ARVCF: variants seen among roughly 807,000 people sequenced by gnomAD.
The protein encoded by ARVCF is ARVCF delta catenin family member, also known as splicing regulator ARVCF.
A neutral mutation model predicts 90.9 loss-of-function variants in ARVCF; 66 were observed. That is an observed-to-expected ratio of 0.73 (90% CI 0.60 to 0.89). The LOEUF is 0.89. ARVCF is among the 40% of genes least tolerant of loss of function. The pLI, the probability that ARVCF is intolerant of heterozygous loss-of-function variation, is 0.00. For missense variants in ARVCF, 1,469 were observed against 1,382.3 expected, an observed-to-expected ratio of 1.06 and a Z score of -1.00; for synonymous variants, 653 against 603.4, an observed-to-expected ratio of 1.08 and a Z score of -1.21.
At chr22:19,980,720 G>C (rs1005820710) in intron 5 of ARVCF, 3 of 183,662 alleles carry the variant, frequency 1.6e-5, no homozygotes, top group African/African-American at 7.0e-5. Flanking sequence ...CAGGCCACCA[G>C]CCCCTTGGGG....
downstream of ARVCF, chr22:19,967,243 C>G (rs770389839): frequency 2.3e-6 from 3 of 1,299,042 alleles, no homozygotes; most frequent in Non-Finnish European, 3.0e-6. Context: ...AGTCCCCTGG[C>G]GCAACCCGAG....
chr22:19,986,263 G>T (rs1274976335), intron 3 of ARVCF, among the ~76,000 whole-genome samples: 2 of 152,230 alleles, frequency 1.3e-5, no homozygotes, highest in East Asian at 1.9e-4. Flanking sequence ...GCCACACCAG[G>T]GCCGTAGGAC....
intron 11 of ARVCF, 99 bp downstream of exon 11, chr22:19,975,587 G>A (rs1370217408): frequency 4.9e-5 from 67 of 1,370,740 alleles, no homozygotes; most frequent in South Asian, 1.2e-5. Context: ...TGTTCCCTGA[G>A]GCCCTCCAGG....
rs1942941376 is a variant in ARVCF, at chr22:19,973,223, C to T, written c.2334G>A (p.Ala778=). ...CGATTTCGTGGATGGTGTTGAGCAC[C>T]GCCACCACGGTGTCTTCCTCCAGGC... ...GACLEEDTVV[A]VLNTIHEIVS... The change falls in exon 14 of 20, where the codon GCG becomes GCA. Residue 778 remains alanine, a synonymous_variant. Transcript: ENST00000263207. 1.9e-6 allele frequency: 3 copies of T among 1,610,444 alleles called. No individual in the cohort carries two copies. The highest frequency in any genetic ancestry group is 2.2e-5 in the South Asian group (2 of 90,618).
At chr22:19,984,425 A>G (rs1943658803) in intron 3 of ARVCF, among the ~76,000 whole-genome samples, 1 of 152,162 alleles carries the variant, frequency 6.6e-6, no homozygotes, top group South Asian at 2.1e-4. Context: ...GCAGCCCCGC[A>G]GTAGGATCCA....
At chr22:19,989,580 G>C (rs1437597888) in intron 3 of ARVCF, among the ~76,000 whole-genome samples, 2 of 152,144 alleles carry the variant, frequency 1.3e-5, no homozygotes, top group Non-Finnish European at 2.9e-5. Context: ...CAAGCTCCTG[G>C]CATGTGTGTG....
chr22:19,971,145 C>T (rs993068110), intron 19 of ARVCF, 71 bp downstream of exon 19: 4 of 1,549,248 alleles, frequency 2.6e-6, no homozygotes, highest in East Asian at 2.4e-5. Context: ...GTGCAGGCAG[C>T]GGAGACTAAC....
intron 1 of ARVCF, among the ~76,000 whole-genome samples, chr22:20,013,338 A>G (rs1177508000): frequency 6.6e-6 from 1 of 152,258 alleles, no homozygotes; most frequent in Non-Finnish European, 1.5e-5. Flanking sequence ...ACGCAGGCAC[A>G]GGGCTAGTCC....
chr22:19,990,703 T>C lies in ARVCF; in HGVS notation c.92A>G (p.Glu31Gly), dbSNP rs1943993537. Reference protein sequence around the residue: ...ARFERLTRALEQERRHVALQL... With the variant: ...ARFERLTRALGQERRHVALQL... ...TAGGGCAACATGGCGCCGCTCCTGC[T>C]CCAGTGCCCGTGTCAGCCTCTCGAA... The change falls in exon 3 of 20, where the codon GAG becomes GGG. Residue 31 changes from glutamate to glycine, a missense_variant. Coordinates refer to ENST00000263207, the MANE Select transcript of ARVCF (RefSeq NM_001670.3). 1.3e-6 allele frequency: 2 copies of C among 1,599,540 alleles called. No individual in the cohort carries two copies. Among genetic ancestry groups the C allele is most frequent in the African/African-American group, 2.7e-5 (2 of 74,710 alleles).
chr22:20,000,625 C>A (rs187321893), intron 2 of ARVCF, among the ~76,000 whole-genome samples: 1 of 152,358 alleles, frequency 6.6e-6, no homozygotes, highest in East Asian at 1.9e-4. Flanking sequence ...CACATGTGTG[C>A]AGCCACCCAC....
chr22:19,977,925 C>T, intron 8 of ARVCF, 33 bp downstream of exon 8: 1 of 1,570,052 alleles, frequency 6.4e-7, no homozygotes, highest in Non-Finnish European at 8.7e-7. Flanking sequence ...TCTCTCCAGC[C>T]CTTGGTATGA....
intron 1 of ARVCF, among the ~76,000 whole-genome samples, chr22:20,015,576 A>T (rs1945035902): frequency 6.6e-6 from 1 of 152,196 alleles, no homozygotes; most frequent in Non-Finnish European, 1.5e-5. Flanking sequence ...CAGATAAGGC[A>T]GTAGTTAAGA....
Position 19,979,944 on chromosome 22 carries a change from A to C in ARVCF, c.1195T>G (p.Leu399Val). The C allele has an allele frequency of 6.3e-7, 1 of 1,595,284 alleles. No individual in the cohort carries two copies. ...GCCACAAGCAGCGGCAGCCCCCGCA[A>C]CTGCCGTACACGCCGCTTGACACCC... ...NEGVKRRVRQ[L>V]RGLPLLVALL... The change falls in exon 6 of 20, where the codon TTG (leucine) becomes GTG (valine). Residue 399 changes from leucine to valine, a missense_variant. Transcript: ENST00000263207.
intron 18 of ARVCF, 79 bp from the exon 19 acceptor site, chr22:19,971,414 GC>G: frequency 6.8e-7 from 1 of 1,464,848 alleles, no homozygotes; most frequent in South Asian, 1.4e-5. Flanking sequence ...CAGGGGCAGG[GC>G]CGAGGCTGGC....
chr22:19,970,497 C>T lies in ARVCF; in HGVS notation c.*259G>A, dbSNP rs373458737. ...GCCCCAGCAGCCCAGTCGGCCTCCT[C>T]GGGCCTTCTGTCACTCGCTCACACA... On this transcript the variant is annotated 3_prime_UTR_variant, in exon 20 of 20. Coordinates refer to ENST00000263207, the MANE Select transcript of ARVCF (RefSeq NM_001670.3). The T allele has an allele frequency of 2.5e-5, 28 of 1,104,180 alleles. No individual in the cohort carries two copies. The African/African-American group carries it at 3.2e-4, about 13-fold the overall frequency. The allele number at this position is 1,104,180 out of a possible 1,614,324, so 68.4% of individuals were successfully genotyped here. A position where few individuals can be genotyped will look rare whatever the true frequency, so the allele number is the denominator to read the frequency against.
chr22:19,972,546 G>T, intron 16 of ARVCF, 135 bp from the exon 17 acceptor site: 2 of 1,249,206 alleles, frequency 1.6e-6, no homozygotes, highest in Non-Finnish European at 2.2e-6. Context: ...CCAGCTGGCA[G>T]CCTCACCCCA....
At chr22:19,985,002 G>C (rs1310219822) in intron 3 of ARVCF, among the ~76,000 whole-genome samples, 1 of 152,168 alleles carries the variant, frequency 6.6e-6, no homozygotes, top group East Asian at 1.9e-4. Context: ...TGCAGTCCCT[G>C]GATCCCTGTC....
At chr22:19,994,241 T>G (rs1944139121) in intron 2 of ARVCF, among the ~76,000 whole-genome samples, 1 of 136,938 alleles carries the variant, frequency 7.3e-6, no homozygotes, top group South Asian at 2.4e-4. Flanking sequence ...TGGGGGATGG[T>G]GGGGAATGGA....
chr22:19,995,785 G>C (rs1053802703), intron 2 of ARVCF, among the ~76,000 whole-genome samples: 12 of 151,452 alleles, frequency 7.9e-5, no homozygotes, highest in African/African-American at 2.4e-4. Context: ...GGCTGCGCTG[G>C]CCCCCCCCTC....
Sources: gnomAD v4.1 joint callset for allele counts (sites outside exome capture counted in the v4.1 genomes callset) on GRCh38, gnomAD v4.1.1 for gene constraint, MANE v1.5 for transcripts, NCBI Gene and HGNC (gene_info 2026-07-23, HGNC 2026-07-21) for gene names.